NEGR1: variants seen among roughly 807,000 people sequenced by gnomAD.
NEGR1 encodes IgLON family member 4.
Under a neutral mutation model 40.9 loss-of-function variants are expected in NEGR1, and 10 were observed. The ratio of observed to expected loss-of-function variants is 0.24; its 90% CI spans 0.15 to 0.42. The LOEUF is 0.42. NEGR1 is among the 10% of genes least tolerant of loss of function. The probability of loss-of-function intolerance (pLI) is 1.00; values close to 1 mark genes in which losing one functional copy is unlikely to be tolerated. For missense variants in NEGR1, 352 were observed against 438.9 expected (o/e 0.80, Z 1.77); for synonymous variants, 185 against 166.8 (o/e 1.11, Z -0.84).
At chr1:71,559,553 GCA>G (rs1648373091) in intron 6 of NEGR1, among the ~76,000 whole-genome samples, 1 of 151,524 alleles carries the variant, frequency 6.6e-6, no homozygotes, top group Non-Finnish European at 1.5e-5. Context: ...TTTGACAAAT[GCA>G]CATAGTTGTA....
intron 1 of NEGR1, among the ~76,000 whole-genome samples, chr1:71,940,150 C>T (rs980675241): frequency 6.6e-6 from 1 of 152,092 alleles, no homozygotes; most frequent in African/African-American, 2.4e-5. Flanking sequence ...AAATTCAGAT[C>T]TTTTTTCTTT....
intron 1 of NEGR1, among the ~76,000 whole-genome samples, chr1:72,276,668 C>T (rs578239761): frequency 2.0e-4 from 30 of 152,154 alleles, no homozygotes; most frequent in African/African-American, 5.8e-4. Flanking sequence ...AACTTCTATG[C>T]GTGTTTCCTT....
chr1:71,474,738 AC>A lies in NEGR1; in HGVS notation c.941-67169del, dbSNP rs372128409. Among the ~76,000 whole-genome samples the A allele has an allele frequency of 2.0e-3, 258 of 131,254 alleles. 3 individuals carry two copies. Among genetic ancestry groups the A allele is most frequent in the Middle Eastern group, 4.0e-3 (1 of 250 alleles). 86.1% of individuals were successfully genotyped at this position (131,254 alleles called of 152,430 possible). On this transcript the variant is annotated intron_variant, in intron 6 of 6. Coordinates refer to ENST00000357731, the MANE Select transcript of NEGR1 (RefSeq NM_173808.3). ...ATCTCAAAAAAAAAAAAAAAAAAAA[AC>A]AAAAAAACAAAACCAGAATAAATAA... is the stretch of plus-strand genomic sequence containing the variant.
intron 6 of NEGR1, among the ~76,000 whole-genome samples, chr1:71,527,500 T>C (rs750614889): frequency 1.3e-5 from 2 of 151,520 alleles, no homozygotes; most frequent in Admixed American, 1.3e-4. Context: ...TTTCGAATTT[T>C]GTTTAGTAAA....
intron 1 of NEGR1, among the ~76,000 whole-genome samples, chr1:72,229,533 T>C (rs1654292356): frequency 6.7e-6 from 1 of 150,036 alleles, no homozygotes; most frequent in African/African-American, 2.4e-5. Flanking sequence ...AAAACAGCAT[T>C]CAAGTCTTGG....
intron 1 of NEGR1, among the ~76,000 whole-genome samples, chr1:72,123,840 A>T (rs1019198267): frequency 6.6e-6 from 1 of 152,042 alleles, no homozygotes; most frequent in African/African-American, 2.4e-5. Flanking sequence ...TAAAAGCAAA[A>T]GGGAAAATTG....
chr1:72,118,775 G>A (rs1490699455), intron 1 of NEGR1, among the ~76,000 whole-genome samples: 2 of 151,558 alleles, frequency 1.3e-5, no homozygotes, highest in Admixed American at 6.6e-5. Flanking sequence ...GTATTTATGT[G>A]TATATAAATA....
chr1:72,014,689 T>G (rs1276057274), intron 1 of NEGR1, among the ~76,000 whole-genome samples: 1 of 152,072 alleles, frequency 6.6e-6, no homozygotes, highest in Non-Finnish European at 1.5e-5. Context: ...TTCAAATAAT[T>G]ATTTCCAGCC....
intron 2 of NEGR1, among the ~76,000 whole-genome samples, chr1:71,783,840 GTCCATCCATCCA>G (rs376448737): frequency 3.7e-5 from 5 of 133,732 alleles, no homozygotes; most frequent in East Asian, 2.5e-4. Flanking sequence ...CCATCCACCC[GTCCATCCATCCA>G]TCCATCCATC....
rs115309482 is a variant in NEGR1, at chr1:71,907,285, C to T, written c.409+27794G>A. Among the ~76,000 whole-genome samples, 142 of 152,118 alleles carry T rather than the reference C, an allele frequency of 9.3e-4. 1 individual carries two copies. Among genetic ancestry groups the T allele is most frequent in the Non-Finnish European group, 1.6e-3 (112 of 67,986 alleles). ...AGAAACTACATGGCACTGATTGATG[C>T]CAACTTAATGAGGTAATATAATTGC... On this transcript the variant is annotated intron_variant, in intron 2 of 6. Transcript: ENST00000357731.
intron 6 of NEGR1, among the ~76,000 whole-genome samples, chr1:71,415,320 T>C (rs1646348100): frequency 6.6e-6 from 1 of 152,068 alleles, no homozygotes; most frequent in Non-Finnish European, 1.5e-5. Flanking sequence ...ACTAGTGGCA[T>C]TTTTCTGCCA....
intron 2 of NEGR1, among the ~76,000 whole-genome samples, chr1:71,918,468 C>T (rs912215900): frequency 6.6e-6 from 1 of 151,824 alleles, no homozygotes; most frequent in Admixed American, 6.6e-5. Context: ...TTTCTGCTTT[C>T]AAATAATTGT....
chr1:72,281,379 A>G (rs138260922), intron 1 of NEGR1, among the ~76,000 whole-genome samples: 1,587 of 152,274 alleles, frequency 0.01, 24 homozygotes, highest in African/African-American at 0.036. Flanking sequence ...TGGTTCTTAC[A>G]GCATGGAAGT....
intron 6 of NEGR1, among the ~76,000 whole-genome samples, chr1:71,590,255 G>A (rs1222075293): frequency 6.6e-6 from 1 of 152,086 alleles, no homozygotes; most frequent in Non-Finnish European, 1.5e-5. Flanking sequence ...CCCAGAAAGT[G>A]AGATAGTCAT....
At chr1:71,744,163 G>A (rs1459790) in intron 3 of NEGR1, among the ~76,000 whole-genome samples, 43,248 of 151,474 alleles carry the variant, frequency 0.29, 7,794 homozygotes, top group East Asian at 0.57. Context: ...CAGACTACAC[G>A]AAGTTTAGGA....
At chr1:72,119,631 G>C (rs1020083592) in intron 1 of NEGR1, among the ~76,000 whole-genome samples, 3 of 151,764 alleles carry the variant, frequency 2.0e-5, no homozygotes, top group Non-Finnish European at 4.4e-5. Flanking sequence ...TCTCAAATGG[G>C]GATGATTTAA....
intron 3 of NEGR1, among the ~76,000 whole-genome samples, chr1:71,707,706 A>G (rs1447451786): frequency 6.6e-6 from 1 of 152,100 alleles, no homozygotes; most frequent in Non-Finnish European, 1.5e-5. Flanking sequence ...ACCCAGAGCT[A>G]TATTGACTTC....
chr1:72,092,322 T>C (rs977327632), intron 1 of NEGR1, among the ~76,000 whole-genome samples: 1 of 152,106 alleles, frequency 6.6e-6, no homozygotes, highest in African/African-American at 2.4e-5. Context: ...GTCAATGTTC[T>C]CTCTCTACCA....
intron 1 of NEGR1, among the ~76,000 whole-genome samples, chr1:72,077,761 C>G (rs948443900): frequency 6.6e-6 from 1 of 151,948 alleles, no homozygotes; most frequent in Non-Finnish European, 1.5e-5. Flanking sequence ...TGCAGTAAGC[C>G]CTGAACTTGC....
Sources: allele counts gnomAD v4.1 joint callset (sites outside exome capture counted in the v4.1 genomes callset), GRCh38; gene constraint gnomAD v4.1.1; transcripts MANE v1.5; gene names NCBI Gene and HGNC (gene_info 2026-07-23, HGNC 2026-07-21).